The following DEGS2 variants were observed in gnomAD, a reference collection of about 807,000 sequenced individuals.
DEGS2 encodes the protein sphingolipid delta(4)-desaturase/C4-monooxygenase DES2.
Under a neutral mutation model 23.8 loss-of-function variants are expected in DEGS2, and 19 were observed. The ratio of observed to expected loss-of-function variants is 0.80; its 90% CI spans 0.56 to 1.17. DEGS2 has a LOEUF of 1.17. Among genes scored for constraint, DEGS2 ranks in the 50% most tolerant of loss-of-function variants. The pLI, the probability that DEGS2 is intolerant of heterozygous loss-of-function variation, is 0.00. For missense variants in DEGS2, 390 were observed against 459.5 expected (o/e 0.85, Z 1.38); for synonymous variants, 218 against 213.7 (o/e 1.02, Z -0.18).
At chr14:100,148,637 G>A (rs532803562) in intron 2 of DEGS2, among the ~76,000 whole-genome samples, 4 of 152,312 alleles carry the variant, frequency 2.6e-5, no homozygotes, top group South Asian at 4.1e-4. Flanking sequence ...GCCTGCAGAC[G>A]GGAAGGATGG....
At chr14:100,164,684 A>G in the DEGS2 span, among the ~76,000 whole-genome samples, 1 of 152,202 alleles carries the variant, frequency 6.6e-6, no homozygotes, top group Admixed American at 6.5e-5. Flanking sequence ...GATTTGCTGA[A>G]TGAATGACAG....
the DEGS2 span, among the ~76,000 whole-genome samples, chr14:100,166,372 C>A: frequency 4.2e-4 from 48 of 113,602 alleles, 1 homozygote; most frequent in Non-Finnish European, 5.9e-4. Context: ...CTGCCCGGGG[C>A]TGTGGGGGAG....
chr14:100,161,898 C>CTATGAA (rs1439948554), upstream of DEGS2, among the ~76,000 whole-genome samples: 2 of 151,398 alleles, frequency 1.3e-5, no homozygotes, highest in African/African-American at 4.9e-5. Context: ...AGTGAAATCC[C>CTATGAA]GTCTCTACTA....
rs1328175693 is a variant in DEGS2 at position 100,146,222 on chromosome 14, G to C, written c.*539C>G. ...CACCTCAGTGTGTGTGCACACCACA[G>C]TGGCAGGCCCTGAGGGAGCACTGCC... On this transcript the variant is annotated 3_prime_UTR_variant, in exon 3 of 3. Transcript: ENST00000305631. The C allele has an allele frequency of 6.4e-6, 1 of 156,946 alleles. No individual in the cohort carries two copies. The highest frequency in any genetic ancestry group is 2.4e-5 in the African/African-American group (1 of 41,480). The allele number at this position is 156,946 out of a possible 1,614,324, so 9.7% of individuals were successfully genotyped here. A position where few individuals can be genotyped will look rare whatever the true frequency, so the allele number is the denominator to read the frequency against.
At chr14:100,160,684 T>G (rs1889735763), upstream of DEGS2, among the ~76,000 whole-genome samples, 1 of 152,146 alleles carries the variant, frequency 6.6e-6, no homozygotes, top group South Asian at 2.1e-4. Context: ...TCGCACATAG[T>G]GAGGGCGTGC....
At position 100,149,384 on chromosome 14, in the gene DEGS2, C is replaced by T. The variant is rs139853910; in HGVS notation, c.409G>A (p.Gly137Ser). The change falls in exon 2 of 3, where the codon GGC (glycine) becomes AGC (serine). Residue 137 changes from glycine (G) to serine (S), a missense_variant. Physicochemically the swap from Gly to Ser is moderately conservative, Grantham distance 56. Transcript: ENST00000305631. ...GGCACGTCCACGTCCAGCCCGTCGC[C>T]GCCCAGGTAGCGGTGGTGGTCCACG... ...YHVDHHRYLGGDGLDVDVPTR... is the reference protein window; with the variant it reads ...YHVDHHRYLGSDGLDVDVPTR... The T allele has an allele frequency of 4.4e-6, 7 of 1,605,156 alleles. No homozygotes were observed. Among genetic ancestry groups the T allele is most frequent in the Admixed American group, 1.7e-5 (1 of 59,568 alleles).
intron 1 of DEGS2, among the ~76,000 whole-genome samples, chr14:100,151,644 C>T (rs1889574236): frequency 6.6e-6 from 1 of 152,322 alleles, no homozygotes; most frequent in Admixed American, 6.5e-5. Context: ...AGCTCCATGA[C>T]AGTTCTGAAA....
the DEGS2 span, among the ~76,000 whole-genome samples, chr14:100,166,718 G>A: frequency 6.6e-6 from 1 of 152,072 alleles, no homozygotes; most frequent in East Asian, 1.9e-4. Context: ...GGCCATGAGG[G>A]GTCAGCAGGA....
chr14:100,153,223 T>C (rs1889602448), intron 1 of DEGS2, among the ~76,000 whole-genome samples: 1 of 151,804 alleles, frequency 6.6e-6, no homozygotes, highest in Non-Finnish European at 1.5e-5. Flanking sequence ...ACCACTGCAC[T>C]CCAGCCTGGG....
chr14:100,148,888 A>G, intron 2 of DEGS2, 80 bp downstream of exon 2: 1 of 1,482,506 alleles, frequency 6.7e-7, no homozygotes, highest in Non-Finnish European at 9.1e-7. Flanking sequence ...GGCATGGCCC[A>G]AGGCCCTTCC....
chr14:100,156,409 G>A (rs1218317875), intron 1 of DEGS2, among the ~76,000 whole-genome samples: 2 of 152,244 alleles, frequency 1.3e-5, no homozygotes, highest in Non-Finnish European at 2.9e-5. Flanking sequence ...AGGTCTCTGA[G>A]ACATTAATCA....
chr14:100,165,948 G>T, the DEGS2 span, among the ~76,000 whole-genome samples: 51 of 107,916 alleles, frequency 4.7e-4, no homozygotes, highest in African/African-American at 1.8e-3. Flanking sequence ...AGTCAGGGGA[G>T]CCTGCCTGGG....
At chr14:100,163,933 C>T (rs557199114), upstream of DEGS2, among the ~76,000 whole-genome samples, 26 of 152,148 alleles carry the variant, frequency 1.7e-4, 1 homozygote, top group Admixed American at 1.4e-3. Flanking sequence ...TTTTGTGGCC[C>T]GGCGAGGTGG....
chr14:100,151,549 C>G (rs945926211), intron 1 of DEGS2, among the ~76,000 whole-genome samples: 1 of 152,188 alleles, frequency 6.6e-6, no homozygotes, highest in Non-Finnish European at 1.5e-5. Flanking sequence ...GAGAATGGCA[C>G]TCAGGGAGCC....
intron 1 of DEGS2, among the ~76,000 whole-genome samples, chr14:100,150,386 C>CA (rs1313027123): frequency 9.4e-5 from 7 of 74,182 alleles, no homozygotes; most frequent in African/African-American, 2.0e-4. Context: ...CCCACCCCAA[C>CA]ACCCCCCCCC....
In DEGS2 at chr14:100,149,018, G is replaced by T; in HGVS notation, c.775C>A (p.His259Asn). ...CTGGGGAAGTCGTGGTGCTCCACGTGGTAGCCCACATTGAAGGTGATCCAG... is the reference window on the plus strand; with the variant it reads ...CTGGGGAAGTCGTGGTGCTCCACGTTGTAGCCCACATTGAAGGTGATCCAG... ...LNWITFNVGY[H>N]VEHHDFPSIP... Residue 259 changes from histidine (H) to asparagine (N), a missense_variant, in exon 2 of 3, where the codon CAC (histidine) becomes AAC (asparagine). Coordinates refer to ENST00000305631, the MANE Select transcript of DEGS2 (RefSeq NM_206918.3). 1 of 1,612,858 alleles carries T rather than the reference G, an allele frequency of 6.2e-7. No individual in the cohort carries two copies. Among genetic ancestry groups the T allele is most frequent in the Non-Finnish European group, 8.5e-7 (1 of 1,179,992 alleles).
chr14:100,160,884 G>A (rs1381818169), upstream of DEGS2, among the ~76,000 whole-genome samples: 2 of 152,168 alleles, frequency 1.3e-5, no homozygotes, highest in Non-Finnish European at 2.9e-5. Context: ...CATCAGCAGG[G>A]GGACCCACAT....
chr14:100,156,198 G>C (rs1450464768), intron 1 of DEGS2, among the ~76,000 whole-genome samples: 2 of 152,354 alleles, frequency 1.3e-5, no homozygotes, highest in East Asian at 3.9e-4. Flanking sequence ...AGCCAGCTGG[G>C]TGGGGCAGGA....
chr14:100,146,610 C>G lies in DEGS2; in HGVS notation c.*151G>C. ...TGCAGACGGAGCCCTGCAGCCCACA[C>G]TGCTGTTGCCAGGTGTGGCTGCGCG... On this transcript the variant is annotated 3_prime_UTR_variant, in exon 3 of 3. Coordinates refer to ENST00000305631, the MANE Select transcript of DEGS2 (RefSeq NM_206918.3). 2 of 1,147,862 alleles carry G rather than the reference C, an allele frequency of 1.7e-6. No individual in the cohort carries two copies. Among genetic ancestry groups the G allele is most frequent in the Non-Finnish European group, 2.5e-6 (2 of 814,936 alleles). The allele number at this position is 1,147,862 out of a possible 1,614,324, so 71.1% of individuals were successfully genotyped here.
Sources: allele counts gnomAD v4.1 joint callset (sites outside exome capture counted in the v4.1 genomes callset), GRCh38; gene constraint gnomAD v4.1.1; transcripts MANE v1.5; gene names NCBI Gene and HGNC (gene_info 2026-07-23, HGNC 2026-07-21).